PALLD: variants seen among roughly 807,000 people sequenced by gnomAD.
PALLD encodes palladin.
Under a neutral mutation model 123.5 loss-of-function variants are expected in PALLD, and 61 were observed. The ratio of observed to expected loss-of-function variants is 0.49; its 90% confidence interval spans 0.40 to 0.61. The LOEUF is 0.61. PALLD is among the 20% of genes least tolerant of loss of function. The pLI is 0.00. For synonymous variants in PALLD, 465 were observed against 496.4 expected (o/e 0.94, Z 0.84); for missense variants, 1,273 against 1,377.0 (o/e 0.92, Z 1.20).
chr4:168,580,774 C>G (rs1770180164), intron 2 of PALLD, among the ~76,000 whole-genome samples: 1 of 151,964 alleles, frequency 6.6e-6, no homozygotes, highest in South Asian at 2.1e-4. Flanking sequence ...ACATATACAT[C>G]ATGGAATACT....
rs911430797 is a variant in PALLD, at chr4:168,847,334, G to A, written c.1965-43588G>A. 2.0e-5 allele frequency among the ~76,000 whole-genome samples: 3 copies of A among 152,118 alleles called. No individual in the cohort carries two copies. In the South Asian group the frequency reaches 6.2e-4, roughly 32 times the overall value. ...GCATGTCTATCATTAATAAAGAATG[G>A]TTTATACTATGGAATACTATGAGGC... On this transcript the variant is annotated intron_variant, in intron 10 of 21. Transcript: ENST00000505667.
rs558397457 is a variant in PALLD, at chr4:168,696,793, C to T, written c.1501+5501C>T. On this transcript the variant is annotated intron_variant, in intron 8 of 21. Transcript: ENST00000505667. ...TGTCCCACAAAGTACAGCAAAATGA[C>T]GAAGAAGGGATGTAAGAGAGAAAAG... Among the ~76,000 whole-genome samples the T allele has an allele frequency of 5.3e-5, 8 of 151,846 alleles. No individual in the cohort carries two copies. In the South Asian group the frequency reaches 1.0e-3, roughly 20 times the overall value.
chr4:168,631,892 G>C (rs894257359), intron 2 of PALLD: 2 of 985,338 alleles, frequency 2.0e-6, no homozygotes, highest in South Asian at 4.7e-5. Flanking sequence ...GGCGTTTTGC[G>C]CCCAACTGGT....
intron 10 of PALLD, among the ~76,000 whole-genome samples, chr4:168,803,863 T>C (rs1314506494): frequency 6.6e-6 from 1 of 152,146 alleles, no homozygotes; most frequent in Non-Finnish European, 1.5e-5. Context: ...GTGTATGAAG[T>C]GTGTTGTCAG....
At chr4:168,586,446 C>T (rs1273752143) in intron 2 of PALLD, among the ~76,000 whole-genome samples, 2 of 152,154 alleles carry the variant, frequency 1.3e-5, no homozygotes, top group Non-Finnish European at 2.9e-5. Context: ...CATGCTGGAC[C>T]CAATTCGTTT....
intron 15 of PALLD, among the ~76,000 whole-genome samples, chr4:168,908,097 T>TTA (rs2151353825): frequency 6.6e-6 from 1 of 152,324 alleles, no homozygotes; most frequent in South Asian, 2.1e-4. Flanking sequence ...TTTATGCCAC[T>TTA]TAGCAGTAGT....
intron 10 of PALLD, among the ~76,000 whole-genome samples, chr4:168,799,223 C>G (rs1738957860): frequency 6.6e-6 from 1 of 152,136 alleles, no homozygotes; most frequent in African/African-American, 2.4e-5. Context: ...GTTACAGATG[C>G]AAACTTTTAG....
intron 10 of PALLD, among the ~76,000 whole-genome samples, chr4:168,813,106 G>GA (rs897886537): frequency 5.1e-5 from 1 of 19,706 alleles, no homozygotes; most frequent in African/African-American, 1.8e-4. Context: ...ACGTACTTTT[G>GA]GGGGGGGCGG....
intron 2 of PALLD, among the ~76,000 whole-genome samples, chr4:168,550,286 T>A (rs1580264049): frequency 6.6e-6 from 1 of 151,828 alleles, no homozygotes; most frequent in Admixed American, 6.6e-5. Flanking sequence ...CATTTTTTTT[T>A]ATCAAAACAG....
At chr4:168,544,382 G>A (rs1314839488) in intron 2 of PALLD, among the ~76,000 whole-genome samples, 1 of 152,188 alleles carries the variant, frequency 6.6e-6, no homozygotes, top group African/African-American at 2.4e-5. Flanking sequence ...GTATAATATT[G>A]CAGCATAGCT....
intron 2 of PALLD, among the ~76,000 whole-genome samples, chr4:168,544,812 C>T (rs1459702560): frequency 1.3e-5 from 2 of 152,180 alleles, no homozygotes; most frequent in Admixed American, 1.3e-4. Context: ...ACCATTTTTA[C>T]ACCAGGACAA....
chr4:168,914,280 CAAAT>C (rs1759653316), intron 16 of PALLD, among the ~76,000 whole-genome samples: 2 of 152,088 alleles, frequency 1.3e-5, no homozygotes, highest in Admixed American at 6.5e-5. Context: ...ATTTTATAGA[CAAAT>C]AAATCAAGAC....
At position 168,537,043 on chromosome 4, in the gene PALLD, G is replaced by A. The variant is rs979231951; in HGVS notation, c.908+24631G>A. Among the ~76,000 whole-genome samples, 9 of 152,226 alleles carry A rather than the reference G, an allele frequency of 5.9e-5. 1 individual carries two copies. The highest frequency in any genetic ancestry group is 5.2e-4 in the Admixed American group (8 of 15,288). On this transcript the variant is annotated intron_variant, in intron 2 of 21. Coordinates refer to ENST00000505667, the MANE Select transcript of PALLD (RefSeq NM_001166108.2). The stretch of plus-strand genomic sequence containing the variant: ...CAGTTTCATCGTGTTAGCCAGGATG[G>A]TCTGATCTCCTGACCTTGTGATCCG...
chr4:168,582,930 T>C (rs1770440916), intron 2 of PALLD, among the ~76,000 whole-genome samples: 1 of 152,182 alleles, frequency 6.6e-6, no homozygotes, highest in Non-Finnish European at 1.5e-5. Flanking sequence ...AACAAATTCC[T>C]TGGTTCCAGT....
Position 168,511,774 on chromosome 4 carries a change from C to T in PALLD, c.270C>T (p.Ala90=). ...AGGAGACCAAATTGGGTGAACACGC[C>T]TCGAGGAGACCTCAGGATAACAGGT... is the stretch of plus-strand genomic sequence containing the variant. The part of the protein sequence containing the change: ...SHKETKLGEH[A]SRRPQDNRST... Residue 90 remains alanine, a synonymous_variant, in exon 2 of 22, where the codon GCC becomes GCT. Coordinates refer to ENST00000505667, the MANE Select transcript of PALLD (RefSeq NM_001166108.2). The T allele has an allele frequency of 1.2e-6, 2 of 1,614,162 alleles. No individual in the cohort carries two copies. The highest frequency in any genetic ancestry group is 1.7e-6 in the Non-Finnish European group (2 of 1,180,034).
chr4:168,566,383 G>A (rs1035241830), intron 2 of PALLD, among the ~76,000 whole-genome samples: 2 of 152,036 alleles, frequency 1.3e-5, no homozygotes, highest in African/African-American at 4.8e-5. Context: ...CTACAACCTT[G>A]ATCTCCCAGG....
intron 10 of PALLD, among the ~76,000 whole-genome samples, chr4:168,797,945 C>T (rs1476187386): frequency 6.6e-6 from 1 of 151,208 alleles, no homozygotes; most frequent in African/African-American, 2.4e-5. Flanking sequence ...TGATCCTAAT[C>T]TGGCTATTTT....
At chr4:168,682,942 C>T (rs1453215233) in intron 4 of PALLD, 56 bp from the exon 5 acceptor site, 1 of 902,794 alleles carries the variant, frequency 1.1e-6, no homozygotes, top group African/African-American at 1.8e-5. Flanking sequence ...AAAAAAAAAA[C>T]AAAAAAACGA....
chr4:168,627,749 C>T (rs1775438810), intron 2 of PALLD, among the ~76,000 whole-genome samples: 1 of 152,128 alleles, frequency 6.6e-6, no homozygotes, highest in Non-Finnish European at 1.5e-5. Context: ...ATCTCCTTAA[C>T]ATACGTGGAG....
Sources: allele counts gnomAD v4.1 joint callset (sites outside exome capture counted in the v4.1 genomes callset), GRCh38; gene constraint gnomAD v4.1.1; transcripts MANE v1.5; gene names NCBI Gene and HGNC (gene_info 2026-07-23, HGNC 2026-07-21).